REEP3: variants seen among roughly 807,000 people sequenced by gnomAD.
REEP3 encodes the protein receptor accessory protein 3.
Under a neutral mutation model 41.3 loss-of-function variants are expected in REEP3, and 20 were observed. The observed-to-expected ratio is 0.48, with a 90% CI of 0.34 to 0.70. The LOEUF (loss-of-function observed/expected upper bound fraction) is 0.70. Among genes scored for constraint, REEP3 ranks in the 30% least tolerant of loss-of-function variants. The pLI, the probability that REEP3 is intolerant of heterozygous loss-of-function variation, is 0.01. For synonymous variants in REEP3, 104 were observed against 101.8 expected (o/e 1.02, Z -0.13); for missense variants, 271 against 308.8 (o/e 0.88, Z 0.92).
chr10:63,559,995 A>G (rs963236426), intron 1 of REEP3, among the ~76,000 whole-genome samples: 1 of 152,126 alleles, frequency 6.6e-6, no homozygotes, highest in Non-Finnish European at 1.5e-5. Flanking sequence ...AAATCTCTAT[A>G]TGCTCTAAGG....
chr10:63,619,655 GT>G lies in REEP3; in HGVS notation c.568del (p.Tyr190MetfsTer5). On this transcript the variant is annotated frameshift_variant and splice_region_variant, in exon 7 of 8. Coordinates refer to ENST00000373758, the MANE Select transcript of REEP3 (RefSeq NM_001001330.3). LOFTEE classifies it high-confidence loss of function. The part of the protein sequence containing the change: ...KSKPAPSESA[G>X]YGIPLKDGDE... ...ATGCTGTTTTTGACAACTTGTTTAGGTTATGGAATTCCACTGAAAGACGGAG... is the reference window on the plus strand; with the variant it reads ...ATGCTGTTTTTGACAACTTGTTTAGGTATGGAATTCCACTGAAAGACGGAG... The G allele has an allele frequency of 6.3e-7, 1 of 1,598,044 alleles. No homozygotes were observed. Among genetic ancestry groups the G allele is most frequent in the Non-Finnish European group, 8.5e-7 (1 of 1,171,902 alleles).
chr10:63,552,688 G>A (rs904152559), intron 1 of REEP3, among the ~76,000 whole-genome samples: 6 of 152,150 alleles, frequency 3.9e-5, no homozygotes, highest in Non-Finnish European at 5.9e-5. Context: ...CTTTAGGGAG[G>A]AAAAAAGTAG....
intron 2 of REEP3, among the ~76,000 whole-genome samples, chr10:63,589,838 A>G (rs561879948): frequency 3.6e-5 from 4 of 110,036 alleles, no homozygotes; most frequent in African/African-American, 1.4e-4. Flanking sequence ...TCTGTTGCCC[A>G]TGTTGGAGTA....
At chr10:63,593,226 G>A (rs1326831498) in intron 2 of REEP3, among the ~76,000 whole-genome samples, 2 of 152,164 alleles carry the variant, frequency 1.3e-5, no homozygotes, top group African/African-American at 4.8e-5. Context: ...ACAAGCATCT[G>A]TATTAAAACT....
chr10:63,617,291 A>G (rs1364472547), intron 6 of REEP3, among the ~76,000 whole-genome samples: 1 of 152,254 alleles, frequency 6.6e-6, no homozygotes, highest in Non-Finnish European at 1.5e-5. Flanking sequence ...CCTGACTAAT[A>G]TACAATGCAA....
At chr10:63,559,719 G>A (rs1221458136) in intron 1 of REEP3, among the ~76,000 whole-genome samples, 1 of 151,920 alleles carries the variant, frequency 6.6e-6, no homozygotes, top group Non-Finnish European at 1.5e-5. Flanking sequence ...ATCTCTAGTT[G>A]TTGTTGTGAA....
At chr10:63,548,104 T>C (rs1019241549) in intron 1 of REEP3, among the ~76,000 whole-genome samples, 1 of 152,202 alleles carries the variant, frequency 6.6e-6, no homozygotes, top group Admixed American at 6.5e-5. Context: ...AACCAGCCTG[T>C]GTTCAGCGGG....
chr10:63,574,052 T>TC (rs1955876618), intron 2 of REEP3, among the ~76,000 whole-genome samples: 1 of 152,164 alleles, frequency 6.6e-6, no homozygotes, highest in Non-Finnish European at 1.5e-5. Flanking sequence ...AAACAGTAGT[T>TC]CCCCAGGCTC....
chr10:63,534,727 CAG>C (rs1166935328), intron 1 of REEP3, among the ~76,000 whole-genome samples: 2 of 152,084 alleles, frequency 1.3e-5, no homozygotes, highest in East Asian at 3.8e-4. Context: ...AAACTAGGAT[CAG>C]AAAAATATAG....
At chr10:63,603,312 C>CG (rs1956191750) in intron 5 of REEP3, among the ~76,000 whole-genome samples, 1 of 62,858 alleles carries the variant, frequency 1.6e-5, no homozygotes, top group Non-Finnish European at 2.8e-5. Flanking sequence ...GACTCTGTCT[C>CG]AAAAAAAAAA....
chr10:63,599,699 T>A (rs1322329863), intron 5 of REEP3: 2 of 984,944 alleles, frequency 2.0e-6, no homozygotes, highest in Admixed American at 6.1e-5. Flanking sequence ...CACCTCTACT[T>A]CAATCAATTT....
chr10:63,606,289 C>CTTTCTTTTTCTTT (rs1554808467), intron 5 of REEP3, among the ~76,000 whole-genome samples: 2 of 108,522 alleles, frequency 1.8e-5, no homozygotes, highest in Non-Finnish European at 4.2e-5. Context: ...TTCTTTCTTT[C>CTTTCTTTTTCTTT]CTTTCTTTCT....
chr10:63,528,414 C>T (rs1397258416), intron 1 of REEP3, among the ~76,000 whole-genome samples: 1 of 152,188 alleles, frequency 6.6e-6, no homozygotes, highest in African/African-American at 2.4e-5. Context: ...ACTCTGCTTT[C>T]AAAATACATC....
intron 1 of REEP3, among the ~76,000 whole-genome samples, chr10:63,536,759 A>G (rs917995068): frequency 1.3e-5 from 2 of 152,230 alleles, no homozygotes; most frequent in African/African-American, 4.8e-5. Context: ...AAAGATAGAC[A>G]AAACTCATTA....
rs1385973011 is a variant in REEP3, at chr10:63,609,790, TAAAAC to T, written c.418-392_418-388del. Reference sequence around the variant, plus strand: ...AAATAAATAAATAAATATAAATAAATAAAACAAAAAATTAAAAGTTGCCCTAAATA... The same window carrying T: ...AAATAAATAAATAAATATAAATAAATAAAAAATTAAAAGTTGCCCTAAATA... On this transcript the variant is annotated intron_variant, in intron 5 of 7. Coordinates refer to ENST00000373758, the MANE Select transcript of REEP3 (RefSeq NM_001001330.3). Among the ~76,000 whole-genome samples, 11 of 151,930 alleles carry T rather than the reference TAAAAC, an allele frequency of 7.2e-5. No individual in the cohort carries two copies. The East Asian group carries it at 1.5e-3, about 21-fold the overall frequency.
At chr10:63,607,872 ATATAAT>A (rs1208275412) in intron 5 of REEP3, among the ~76,000 whole-genome samples, 4 of 152,204 alleles carry the variant, frequency 2.6e-5, no homozygotes, top group African/African-American at 9.7e-5. Context: ...TTTGGGGATG[ATATAAT>A]TATAAAGCTA....
At chr10:63,544,542 G>A (rs1354166410) in intron 1 of REEP3, among the ~76,000 whole-genome samples, 3 of 152,152 alleles carry the variant, frequency 2.0e-5, no homozygotes, top group African/African-American at 7.2e-5. Context: ...CCTTGAGTGG[G>A]AGGTGTCAAA....
chr10:63,552,667 T>C (rs370633875), intron 1 of REEP3, among the ~76,000 whole-genome samples: 81 of 152,288 alleles, frequency 5.3e-4, no homozygotes, highest in African/African-American at 1.9e-3. Flanking sequence ...TTTAATCACT[T>C]GTATATGTTT....
intron 1 of REEP3, among the ~76,000 whole-genome samples, chr10:63,556,896 A>C (rs894945409): frequency 1.3e-5 from 2 of 151,324 alleles, no homozygotes; most frequent in Admixed American, 1.3e-4. Context: ...CGGCCTCCCA[A>C]AGTGCTGGGA....
Sources: gnomAD v4.1 joint callset for allele counts (sites outside exome capture counted in the v4.1 genomes callset) on GRCh38, gnomAD v4.1.1 for gene constraint, MANE v1.5 for transcripts, NCBI Gene and HGNC (gene_info 2026-07-23, HGNC 2026-07-21) for gene names.